The following LZTFL1 variants were observed in gnomAD, a reference collection of about 807,000 sequenced individuals.
The protein encoded by LZTFL1 is leucine zipper transcription factor-like protein 1.
Under a neutral mutation model 45.9 loss-of-function variants are expected in LZTFL1, and 25 were observed. The observed-to-expected ratio is 0.54, with a 90% confidence interval of 0.40 to 0.76. LZTFL1 has a LOEUF of 0.76. Ranked by LOEUF, LZTFL1 falls within the 30% of genes least tolerant of loss-of-function variation. The pLI is 0.00. For synonymous variants in LZTFL1, 93 were observed against 117.4 expected, an observed-to-expected ratio of 0.79 and a Z score of 1.35; for missense variants, 277 against 331.1, an observed-to-expected ratio of 0.84 and a Z score of 1.27.
chr3:45,913,277 G>T, intron 1 of LZTFL1: 1 of 874,000 alleles, frequency 1.1e-6, no homozygotes, highest in Non-Finnish European at 1.8e-6. Context: ...TTTTTCATGA[G>T]GACCTGCCAC....
intron 2 of LZTFL1, among the ~76,000 whole-genome samples, chr3:45,880,501 CA>C (rs914831412): frequency 4.7e-5 from 7 of 150,120 alleles, no homozygotes; most frequent in African/African-American, 1.7e-4. Context: ...GACTCCATCT[CA>C]AAAAAAAAGG....
intron 9 of LZTFL1, among the ~76,000 whole-genome samples, chr3:45,826,791 AT>A (rs1700679264): frequency 6.6e-6 from 1 of 152,214 alleles, no homozygotes; most frequent in African/African-American, 2.4e-5. Flanking sequence ...TGAATGAACT[AT>A]AAATACATGG....
intron 2 of LZTFL1, among the ~76,000 whole-genome samples, chr3:45,892,865 G>A (rs1234944354): frequency 6.6e-6 from 1 of 152,176 alleles, no homozygotes; most frequent in Non-Finnish European, 1.5e-5. Context: ...GGAAGTTCTG[G>A]TTGCTTTCCT....
rs113629898 is a variant in LZTFL1, at chr3:45,861,660, T to C, written c.-214-2644A>G. Among the ~76,000 whole-genome samples, 46 of 152,334 alleles carry C rather than the reference T, an allele frequency of 3.0e-4. 1 individual carries two copies. Among genetic ancestry groups the C allele is most frequent in the Admixed American group, 4.6e-4 (7 of 15,298 alleles). ...TGTGTGTTTGCATTCTTGTGCCTGC[T>C]TATTTGCAGATACAAGGGACAAAGT... is the stretch of plus-strand genomic sequence containing the variant. On this transcript the variant is annotated intron_variant, in intron 2 of 4. Coordinates refer to the LZTFL1 transcript ENST00000472635.
chr3:45,848,679 A>C lies in LZTFL1; in HGVS notation c.-49+6307T>G, dbSNP rs1701257769. ...AGTTAATTGTATGCAGTTATGATTT[A>C]ATACTGCATCTTTATGTTTGTTTAC... On this transcript the variant is annotated intron_variant, in intron 4 of 4. Coordinates refer to the LZTFL1 transcript ENST00000472635. Among the ~76,000 whole-genome samples the C allele has an allele frequency of 2.0e-5, 3 of 152,230 alleles. No individual in the cohort carries two copies. In the South Asian group the frequency reaches 6.2e-4, roughly 31 times the overall value.
upstream of LZTFL1, among the ~76,000 whole-genome samples, chr3:45,844,642 T>A (rs1036657868): frequency 6.6e-6 from 1 of 152,196 alleles, no homozygotes; most frequent in Admixed American, 6.5e-5. Context: ...ACAAGTTCTC[T>A]TCAACTTCCC....
chr3:45,834,202 T>C (rs766277252), intron 4 of LZTFL1, 36 bp downstream of exon 4: 2 of 1,233,162 alleles, frequency 1.6e-6, no homozygotes, highest in Non-Finnish European at 2.3e-6. Context: ...AAATACTGGC[T>C]ATTAAGATAT....
chr3:45,904,356 T>C (rs926449904), intron 2 of LZTFL1, among the ~76,000 whole-genome samples: 1 of 152,236 alleles, frequency 6.6e-6, no homozygotes, highest in Non-Finnish European at 1.5e-5. Context: ...TGTCCTGCTA[T>C]CTACAGGCAG....
rs1700596715 is a variant in LZTFL1, at chr3:45,823,662, G to A, written c.*2652C>T. On this transcript the variant is annotated 3_prime_UTR_variant, in exon 10 of 10. Coordinates refer to ENST00000296135, the MANE Select transcript of LZTFL1 (RefSeq NM_020347.4). ...AAAATATTATTGTCTAAATACTACT[G>A]TTTTGTCTAAATGTGAAATATCATT... is the stretch of plus-strand genomic sequence containing the variant. 6.6e-6 allele frequency: 1 copy of A among 152,262 alleles called. No individual in the cohort carries two copies. Among genetic ancestry groups the A allele is most frequent in the South Asian group, 2.1e-4 (1 of 4,824 alleles). The allele number at this position is 152,262 out of a possible 1,614,324, so 9.4% of individuals were successfully genotyped here.
intron 8 of LZTFL1, among the ~76,000 whole-genome samples, 178 bp downstream of exon 8, chr3:45,828,261 A>G (rs1700718383): frequency 6.6e-6 from 1 of 152,188 alleles, no homozygotes; most frequent in South Asian, 2.1e-4. Flanking sequence ...AGTACCAAAG[A>G]TGGAAGAATA....
intron 2 of LZTFL1, among the ~76,000 whole-genome samples, chr3:45,880,554 C>A (rs1701838803): frequency 6.6e-6 from 1 of 152,132 alleles, no homozygotes; most frequent in African/African-American, 2.4e-5. Flanking sequence ...CTTTGGGTAG[C>A]TTTCTGTACA....
upstream of LZTFL1, among the ~76,000 whole-genome samples, chr3:45,846,389 G>T (rs1269263353): frequency 2.0e-5 from 3 of 152,122 alleles, no homozygotes; most frequent in East Asian, 5.8e-4. Flanking sequence ...ATATTTTGTG[G>T]TTTCTTTTAA....
intron 2 of LZTFL1, among the ~76,000 whole-genome samples, chr3:45,896,543 C>T (rs1024256743): frequency 2.6e-5 from 4 of 152,118 alleles, no homozygotes; most frequent in Admixed American, 1.3e-4. Flanking sequence ...ATGAGGAGAC[C>T]GAGACTGGGG....
At chr3:45,833,698 T>C (rs1158483353) in intron 4 of LZTFL1, among the ~76,000 whole-genome samples, 2 of 152,236 alleles carry the variant, frequency 1.3e-5, no homozygotes, top group East Asian at 1.9e-4. Flanking sequence ...ATTTTGCATG[T>C]GTATGTACAT....
intron 2 of LZTFL1, chr3:45,883,771 C>A: frequency 1.8e-6 from 1 of 568,966 alleles, no homozygotes; most frequent in Non-Finnish European, 3.2e-6. Context: ...TCCCCATGAA[C>A]ACAGTCAGGA....
Position 45,901,499 on chromosome 3 carries a change from C to G in LZTFL1, c.-215+11621G>C, listed in dbSNP as rs1395706481. 1 of 1,614,176 alleles carries G rather than the reference C, an allele frequency of 6.2e-7. No homozygotes were observed. ...TCATGGCTTGCTGCTATACCATCATCATTCACACCCTGATACAAGCCAAGA... is the reference window on the plus strand; with the variant it reads ...TCATGGCTTGCTGCTATACCATCATGATTCACACCCTGATACAAGCCAAGA... On this transcript the variant is annotated intron_variant, in intron 2 of 4. Coordinates refer to the LZTFL1 transcript ENST00000472635. The surrounding 1 kb of genome is among the most constrained non-coding windows in gnomAD (Gnocchi z 4.3).
In LZTFL1 at chr3:45,877,654, G is replaced by A. The variant is rs535136183; in HGVS notation, c.-214-18638C>T. On this transcript the variant is annotated intron_variant, in intron 2 of 4. Coordinates refer to the LZTFL1 transcript ENST00000472635. ...AAATATGGTTAATACTGAAAATTGG[G>A]CTGTTATTTCTAAGGTGAAACTCCA... 8.6e-5 allele frequency among the ~76,000 whole-genome samples: 13 copies of A among 151,922 alleles called. No homozygotes were observed. The South Asian group carries it at 2.5e-3, about 29-fold the overall frequency.
At chr3:45,846,230 A>G (rs1701214638), upstream of LZTFL1, among the ~76,000 whole-genome samples, 3 of 152,190 alleles carry the variant, frequency 2.0e-5, no homozygotes. Flanking sequence ...TGTAACTTTG[A>G]GGTGATTTAT....
At chr3:45,854,971 C>T (rs1163698305) in intron 4 of LZTFL1, 13 of 1,508,186 alleles carry the variant, frequency 8.6e-6, no homozygotes, top group East Asian at 7.4e-5. Context: ...ATGTCAGATG[C>T]GCTTGTCAAC....
Sources: gnomAD v4.1 joint callset for allele counts (sites outside exome capture counted in the v4.1 genomes callset) on GRCh38, gnomAD v4.1.1 for gene constraint, Gnocchi (gnomAD v3.1) non-coding constraint, MANE v1.5 for transcripts, NCBI Gene and HGNC (gene_info 2026-07-23, HGNC 2026-07-21) for gene names.